CFAP47: variants seen among roughly 807,000 people sequenced by gnomAD.
The protein encoded by CFAP47 is cilia and flagella associated protein 47, also known as cilia- and flagella-associated protein 47.
Under a neutral mutation model 148.1 loss-of-function variants are expected in CFAP47, and 29 were observed. That is an observed-to-expected ratio of 0.20 (90% CI 0.15 to 0.27). The LOEUF is 0.27. CFAP47 is among the 10% of genes least tolerant of loss of function. CFAP47 has a pLI of 1.00. For synonymous variants in CFAP47, 664 were observed against 577.3 expected, an observed-to-expected ratio of 1.15 and a Z score of -2.15; for missense variants, 1,872 against 1,697.5, an observed-to-expected ratio of 1.10 and a Z score of -1.81.
intron 29 of CFAP47, among the ~76,000 whole-genome samples, chrX:36,083,721 A>G (rs1039388823): frequency 1.8e-5 from 2 of 111,248 alleles, no homozygotes; most frequent in South Asian, 3.7e-4. Context: ...AATATTTTCA[A>G]TCTCCAAATA....
chrX:36,100,940 C>G (rs571880360), intron 32 of CFAP47, among the ~76,000 whole-genome samples: 2 of 110,590 alleles, frequency 1.8e-5, no homozygotes, highest in African/African-American at 3.3e-5. Flanking sequence ...AGTCCAGGGC[C>G]CTCATGTTGC....
chrX:36,136,797 A>C (rs997082125), intron 33 of CFAP47, among the ~76,000 whole-genome samples: 1 of 111,970 alleles, frequency 8.9e-6, no homozygotes, highest in East Asian at 2.8e-4. Flanking sequence ...CAGCCAACTG[A>C]ATTTAAAATC....
intron 15 of CFAP47, among the ~76,000 whole-genome samples, chrX:35,976,887 A>T (rs1314438965): frequency 2.7e-5 from 3 of 111,572 alleles, no homozygotes; most frequent in Admixed American, 9.5e-5. Flanking sequence ...GCATCCTCTT[A>T]ACCTTGTTTC....
rs1555994757 is a variant in CFAP47 at position 36,236,798 on chromosome X, G to A, written c.7271G>A (p.Gly2424Glu). 7 of 514,884 alleles carry A rather than the reference G, an allele frequency of 1.4e-5. No homozygotes were observed. Among genetic ancestry groups the A allele is most frequent in the Non-Finnish European group, 2.1e-5 (6 of 282,605 alleles). 42.4% of individuals were successfully genotyped at this position (514,884 alleles called of 1,213,427 possible). Residue 2424 changes from glycine (G) to glutamate (E), a missense_variant, in exon 48 of 64, where the codon GGG becomes GAG. By Grantham distance (98) the Gly-to-Glu change is moderately conservative. Coordinates refer to ENST00000378653, the MANE Select transcript of CFAP47 (RefSeq NM_001304548.2). ...LEHITVECQV[G>E]NVTQKHITLP... ...CACATCACTGTGGAATGTCAAGTGG[G>A]GAATGTGACACAAAAGCATATAACA...
chrX:35,973,872 A>G (rs934126125), intron 13 of CFAP47, among the ~76,000 whole-genome samples: 15 of 112,532 alleles, frequency 1.3e-4, no homozygotes, highest in African/African-American at 4.9e-4. Context: ...TAAGATGAGT[A>G]TGCTGCATTA....
At chrX:36,272,347 C>T (rs1471125966) in intron 49 of CFAP47, among the ~76,000 whole-genome samples, 4 of 100,745 alleles carry the variant, frequency 4.0e-5, no homozygotes, top group South Asian at 4.2e-4. Context: ...GGGCATTTAG[C>T]TTGTTGATTT....
Position 36,299,505 on chromosome X carries a change from A to G in CFAP47, c.7862+353A>G, listed in dbSNP as rs1158348544. Among the ~76,000 whole-genome samples the G allele has an allele frequency of 3.6e-5, 4 of 111,801 alleles. No homozygotes were observed. In the Admixed American group the frequency reaches 3.8e-4, roughly 11 times the overall value. ...CAATTTTCTTGAGGAAAATTAACTT[A>G]TATATTTTTCTTCTTAAATACAAAT... On this transcript the variant is annotated intron_variant, in intron 52 of 63. Coordinates refer to ENST00000378653, the MANE Select transcript of CFAP47 (RefSeq NM_001304548.2).
At chrX:36,214,349 G>A (rs1022732152) in intron 45 of CFAP47, among the ~76,000 whole-genome samples, 17 of 111,915 alleles carry the variant, frequency 1.5e-4, no homozygotes, top group African/African-American at 5.5e-4. Flanking sequence ...AGGAGAGTCA[G>A]TGAATGAGTG....
intron 42 of CFAP47, among the ~76,000 whole-genome samples, chrX:36,192,687 A>G (rs782659269): frequency 1.3e-4 from 15 of 111,457 alleles, no homozygotes; most frequent in Admixed American, 3.8e-4. Context: ...TTTTTTATTG[A>G]CTTGACCCAG....
Position 36,266,518 on chromosome X carries a change from G to A in CFAP47, c.7445-13969G>A, listed in dbSNP as rs138918189. Among the ~76,000 whole-genome samples, 684 of 110,474 alleles carry A rather than the reference G, an allele frequency of 6.2e-3. 5 individuals carry two copies. Among genetic ancestry groups the A allele is most frequent in the African/African-American group, 0.022 (658 of 30,300 alleles). On this transcript the variant is annotated intron_variant, in intron 49 of 63. Transcript: ENST00000378653. ...CAGAAAGTACTTCGGTGGGACAGTG[G>A]TGATGCCGCAGCTGATTGTGACCCA...
At chrX:36,130,199 TATAAGGAGCTCA>T (rs962843849) in intron 33 of CFAP47, among the ~76,000 whole-genome samples, 6 of 111,199 alleles carry the variant, frequency 5.4e-5, no homozygotes, top group African/African-American at 2.0e-4. Context: ...GACCAGAATA[TATAAGGAGCTCA>T]AACAACTCCA....
Position 36,213,573 on chromosome X carries a change from C to A in CFAP47, c.6817+8463C>A, listed in dbSNP as rs138919305. On this transcript the variant is annotated intron_variant, in intron 45 of 63. Transcript: ENST00000378653. ...ACAGCATAATGCCACCATGGTCCAA[C>A]ATCTCCATTTGTAAAAGGGAGAATG... Among the ~76,000 whole-genome samples the A allele has an allele frequency of 2.1e-3, 233 of 111,993 alleles. 1 individual carries two copies. Among genetic ancestry groups the A allele is most frequent in the African/African-American group, 7.1e-3 (219 of 30,831 alleles).
intron 2 of CFAP47, among the ~76,000 whole-genome samples, chrX:35,932,244 T>TTTTCTTTCTTTCTTTCTTTC (rs780392333): frequency 1.6e-4 from 17 of 106,292 alleles, no homozygotes; most frequent in African/African-American, 5.6e-4. Flanking sequence ...TTTTCTTTTC[T>TTTTCTTTCTTTCTTTCTTTC]TTTCTTTCTT....
chrX:36,089,722 C>T (rs888951751), intron 30 of CFAP47, among the ~76,000 whole-genome samples: 5 of 111,820 alleles, frequency 4.5e-5, no homozygotes, highest in African/African-American at 9.8e-5. Context: ...AAATAACTAA[C>T]GGATGCTAGG....
chrX:36,150,134 C>A (rs1412285154), intron 37 of CFAP47, among the ~76,000 whole-genome samples: 3 of 110,715 alleles, frequency 2.7e-5, no homozygotes, highest in Admixed American at 9.7e-5. Context: ...TGTAAATATA[C>A]TCCCAAATTT....
chrX:36,016,603 C>T (rs1440889757), intron 22 of CFAP47, among the ~76,000 whole-genome samples: 1 of 110,140 alleles, frequency 9.1e-6, no homozygotes, highest in Non-Finnish European at 1.9e-5. Flanking sequence ...GTGAACAGTG[C>T]TGCAACAAAC....
intron 40 of CFAP47, among the ~76,000 whole-genome samples, chrX:36,185,216 T>C (rs1215988279): frequency 9.1e-6 from 1 of 110,458 alleles, no homozygotes; most frequent in Admixed American, 9.6e-5. Context: ...TCTTGCTGCA[T>C]CCTCCCATGG....
At position 36,251,342 on chromosome X, in the gene CFAP47, G is replaced by T. The variant is rs1210158043; in HGVS notation, c.7342G>T (p.Asp2448Tyr). 8.0e-6 allele frequency: 4 copies of T among 498,141 alleles called. No homozygotes were observed. Among genetic ancestry groups the T allele is most frequent in the Non-Finnish European group, 1.4e-5 (4 of 280,017 alleles). 41.1% of individuals were successfully genotyped at this position (498,141 alleles called of 1,213,427 possible). The change falls in exon 49 of 64, where the codon GAT (aspartate) becomes TAT (tyrosine). Residue 2448 changes from aspartate (D) to tyrosine (Y), a missense_variant. By Grantham distance (160) the Asp-to-Tyr change is radical. Coordinates refer to ENST00000378653, the MANE Select transcript of CFAP47 (RefSeq NM_001304548.2). The part of the protein sequence containing the change: ...NTALTFKVTA[D>Y]LPIVWGNPQI... Reference sequence around the variant, plus strand: ...GAATTATCTCTTATAGGTAACTGCAGATCTTCCAATAGTGTGGGGAAATCC... The same window carrying T: ...GAATTATCTCTTATAGGTAACTGCATATCTTCCAATAGTGTGGGGAAATCC...
chrX:35,964,482 A>T lies in CFAP47; in HGVS notation c.1411-2083A>T, dbSNP rs543889915. On this transcript the variant is annotated intron_variant, in intron 8 of 63. Transcript: ENST00000378653. ...GCTTGGGTTTTGTTGAGTTTCTTTG[A>T]TATGTAGATTGTCTTTAATCAAGTT... Among the ~76,000 whole-genome samples the T allele has an allele frequency of 9.9e-5, 11 of 111,107 alleles. No homozygotes were observed. The South Asian group carries it at 4.1e-3, about 41-fold the overall frequency.
Sources: allele counts gnomAD v4.1 joint callset (sites outside exome capture counted in the v4.1 genomes callset), GRCh38; gene constraint gnomAD v4.1.1; transcripts MANE v1.5; gene names NCBI Gene and HGNC (gene_info 2026-07-23, HGNC 2026-07-21).